The following PPP1R12A variants were observed in gnomAD, a reference collection of about 807,000 sequenced individuals.
PPP1R12A encodes the protein myosin binding subunit.
Under a neutral mutation model 139.6 loss-of-function variants are expected in PPP1R12A, and 19 were observed. The observed-to-expected ratio is 0.14, with a 90% CI of 0.09 to 0.20. PPP1R12A has a LOEUF of 0.20. PPP1R12A is among the 10% of genes least tolerant of loss of function. The pLI is 1.00. For synonymous variants in PPP1R12A, 427 were observed against 420.6 expected (o/e 1.02, Z -0.19); for missense variants, 925 against 1,211.5 (o/e 0.76, Z 3.51).
rs1888558196 is a variant in PPP1R12A, at chr12:79,934,976, G to A, written c.-45C>T. ...TCTTCTTATCGCGAGGGGGGGAAGGGGGAGGCGGAGAGGGAAGAGAGGGGA... is the reference window on the plus strand; with the variant it reads ...TCTTCTTATCGCGAGGGGGGGAAGGAGGAGGCGGAGAGGGAAGAGAGGGGA... On this transcript the variant is annotated 5_prime_UTR_variant, in exon 1 of 25. Coordinates refer to ENST00000450142, the MANE Select transcript of PPP1R12A (RefSeq NM_002480.3). 2.6e-6 allele frequency: 4 copies of A among 1,536,404 alleles called. No individual in the cohort carries two copies. The highest frequency in any genetic ancestry group is 3.5e-6 in the Non-Finnish European group (4 of 1,138,288).
chr12:79,795,453 C>A (rs527614141), intron 18 of PPP1R12A, among the ~76,000 whole-genome samples, 185 bp downstream of exon 18: 28 of 152,148 alleles, frequency 1.8e-4, no homozygotes, highest in African/African-American at 6.7e-4. Context: ...TTAAGTAGTA[C>A]CAACAATCTA....
chr12:79,820,500 T>C (rs1027314741), intron 8 of PPP1R12A, among the ~76,000 whole-genome samples: 2 of 152,162 alleles, frequency 1.3e-5, no homozygotes, highest in African/African-American at 4.8e-5. Flanking sequence ...ACTCACAACC[T>C]ATCTGTACCT....
At chr12:79,805,063 A>G (rs1204100874) in intron 14 of PPP1R12A, among the ~76,000 whole-genome samples, 1 of 152,254 alleles carries the variant, frequency 6.6e-6, no homozygotes, top group Non-Finnish European at 1.5e-5. Context: ...TCTATGTATC[A>G]GAGATAAAAT....
In PPP1R12A at chr12:79,873,198, T is replaced by C. The variant is rs1010666384; in HGVS notation, c.238-260A>G. Among the ~76,000 whole-genome samples the C allele has an allele frequency of 2.6e-5, 4 of 152,232 alleles. No homozygotes were observed. The East Asian group carries it at 7.7e-4, about 29-fold the overall frequency. On this transcript the variant is annotated intron_variant, in intron 1 of 24. Transcript: ENST00000450142. ...ACCCAATCTGGATAACAAGTACCTA[T>C]TAAAATGAAGACATTATAATTAAGT...
intron 5 of PPP1R12A, among the ~76,000 whole-genome samples, chr12:79,823,348 G>A (rs1876368595): frequency 6.6e-6 from 1 of 152,016 alleles, no homozygotes; most frequent in Non-Finnish European, 1.5e-5. Flanking sequence ...TTTCTTAATA[G>A]TATTCCTATA....
At chr12:79,893,669 T>C (rs1034556191) in intron 1 of PPP1R12A, among the ~76,000 whole-genome samples, 1 of 152,230 alleles carries the variant, frequency 6.6e-6, no homozygotes, top group Non-Finnish European at 1.5e-5. Flanking sequence ...GGAGAATGGA[T>C]ACATTGTAAA....
intron 2 of PPP1R12A, among the ~76,000 whole-genome samples, chr12:79,856,381 A>G (rs1177357782): frequency 1.3e-5 from 2 of 152,256 alleles, no homozygotes; most frequent in Non-Finnish European, 2.9e-5. Flanking sequence ...GGCTGACTGA[A>G]ATAGGTAATC....
At position 79,881,606 on chromosome 12, in the gene PPP1R12A, G is replaced by A. The variant is rs762627483; in HGVS notation, c.238-8668C>T. Among the ~76,000 whole-genome samples, 19 of 152,210 alleles carry A rather than the reference G, an allele frequency of 1.2e-4. 1 individual carries two copies. Among genetic ancestry groups the A allele is most frequent in the South Asian group, 4.1e-4 (2 of 4,834 alleles). On this transcript the variant is annotated intron_variant, in intron 1 of 24. Transcript: ENST00000450142. ...CCATATCATACAAGTGCAAGGTGAA[G>A]CAGCAAGTGCTGATGGAGAAGCTGC...
intron 1 of PPP1R12A, among the ~76,000 whole-genome samples, chr12:79,933,260 T>A (rs1371102264): frequency 6.6e-6 from 1 of 152,244 alleles, no homozygotes; most frequent in Non-Finnish European, 1.5e-5. Flanking sequence ...ATCATTTCAA[T>A]ATATCCAGTC....
At chr12:79,874,110 T>C (rs759770697) in intron 1 of PPP1R12A, among the ~76,000 whole-genome samples, 55 of 152,104 alleles carry the variant, frequency 3.6e-4, no homozygotes, top group Admixed American at 6.5e-4. Context: ...ACCCCTTCTC[T>C]ATTAAAAGTA....
intron 1 of PPP1R12A, among the ~76,000 whole-genome samples, chr12:79,899,560 G>A (rs1284163302): frequency 1.3e-5 from 2 of 152,050 alleles, no homozygotes; most frequent in Non-Finnish European, 2.9e-5. Context: ...TGGTTATCAA[G>A]TAGTTCATTC....
At chr12:79,806,996 C>A (rs1873917879) in intron 12 of PPP1R12A, 1 of 311,362 alleles carries the variant, frequency 3.2e-6, no homozygotes, top group African/African-American at 2.2e-5. Context: ...ATGTAACAAT[C>A]CAAAAAACAT....
At chr12:79,801,745 T>A (rs1873208811) in intron 14 of PPP1R12A, among the ~76,000 whole-genome samples, 1 of 152,164 alleles carries the variant, frequency 6.6e-6, no homozygotes, top group South Asian at 2.1e-4. Context: ...GACCAGGTAA[T>A]TTCTCACGCA....
intron 9 of PPP1R12A, among the ~76,000 whole-genome samples, chr12:79,815,296 T>G (rs1489754785): frequency 6.6e-6 from 1 of 152,112 alleles, no homozygotes; most frequent in East Asian, 1.9e-4. Context: ...CCCCAGTACT[T>G]TGGGTGGGCG....
At chr12:79,839,335 T>C (rs913215436) in intron 3 of PPP1R12A, among the ~76,000 whole-genome samples, 1 of 152,168 alleles carries the variant, frequency 6.6e-6, no homozygotes, top group Non-Finnish European at 1.5e-5. Flanking sequence ...GGGACTTACC[T>C]TGCCTCAGAT....
intron 4 of PPP1R12A, among the ~76,000 whole-genome samples, chr12:79,828,787 T>G (rs939040258): frequency 6.6e-6 from 1 of 152,164 alleles, no homozygotes; most frequent in Non-Finnish European, 1.5e-5. Flanking sequence ...AGCCCATAAT[T>G]TTTCAATGTA....
intron 1 of PPP1R12A, among the ~76,000 whole-genome samples, chr12:79,900,730 T>C (rs1038861497): frequency 1.3e-5 from 2 of 152,146 alleles, no homozygotes; most frequent in Non-Finnish European, 2.9e-5. Flanking sequence ...AGGAGAAGGC[T>C]CCTAAATAGT....
chr12:79,903,113 A>G (rs1885792518), intron 1 of PPP1R12A, among the ~76,000 whole-genome samples: 2 of 152,158 alleles, frequency 1.3e-5, no homozygotes, highest in African/African-American at 4.8e-5. Context: ...TTGCTTTCTG[A>G]TGGTTCAAGG....
chr12:79,887,791 A>G (rs956930052), intron 1 of PPP1R12A, among the ~76,000 whole-genome samples: 3 of 152,192 alleles, frequency 2.0e-5, no homozygotes, highest in African/African-American at 7.2e-5. Context: ...TTACAAAAGA[A>G]TACTCATAAT....
Sources: allele counts gnomAD v4.1 joint callset (sites outside exome capture counted in the v4.1 genomes callset), GRCh38; gene constraint gnomAD v4.1.1; transcripts MANE v1.5; gene names NCBI Gene and HGNC (gene_info 2026-07-23, HGNC 2026-07-21).